The following NTRK3 variants were observed in gnomAD, a reference collection of about 807,000 sequenced individuals.
NTRK3 encodes the protein NT-3 growth factor receptor.
Under a neutral mutation model 91.7 loss-of-function variants are expected in NTRK3, and 24 were observed. The observed-to-expected ratio is 0.26, with a 90% confidence interval of 0.19 to 0.37. The LOEUF is 0.37. NTRK3 is among the 10% of genes least tolerant of loss of function. The probability of loss-of-function intolerance (pLI) is 1.00; values close to 1 mark genes in which losing one functional copy is unlikely to be tolerated. For missense variants in NTRK3, 880 were observed against 1,068.9 expected (o/e 0.82, Z 2.46); for synonymous variants, 483 against 404.0 (o/e 1.20, Z -2.34).
At chr15:87,981,335 A>G (rs564340870) in intron 14 of NTRK3, 1 of 1,611,144 alleles carries the variant, frequency 6.2e-7, no homozygotes, top group Admixed American at 1.7e-5. Flanking sequence ...TTAATATCCC[A>G]TGATTGTCTA....
At chr15:88,177,227 C>T (rs191033340) in intron 5 of NTRK3, among the ~76,000 whole-genome samples, 91 of 152,236 alleles carry the variant, frequency 6.0e-4, no homozygotes, top group African/African-American at 6.7e-4. Context: ...TTGTAAGTAA[C>T]GCAAGAAGTA....
chr15:88,026,179 G>A (rs1426521748), intron 14 of NTRK3, among the ~76,000 whole-genome samples: 3 of 152,142 alleles, frequency 2.0e-5, no homozygotes, highest in Non-Finnish European at 4.4e-5. Context: ...GCTGAGGCAG[G>A]AGAACGGTGT....
chr15:88,132,055 C>T (rs2041410358), intron 10 of NTRK3: 1 of 194,358 alleles, frequency 5.1e-6, no homozygotes, highest in Non-Finnish European at 1.1e-5. Flanking sequence ...TTCACCACAA[C>T]CTTTAAGGTA....
At position 88,237,542 on chromosome 15, in the gene NTRK3, A is replaced by T. The variant is rs78513065; in HGVS notation, c.248+18364T>A. 0.013 allele frequency among the ~76,000 whole-genome samples: 1,917 copies of T among 152,270 alleles called. 27 individuals carry two copies. The highest frequency in any genetic ancestry group is 0.041 in the African/African-American group (1,717 of 41,544). ...TTCATAAGAGAGCTAGAAATCATGCACTTTATATATGAGTTGTTTTGCTTA... is the reference window on the plus strand; with the variant it reads ...TTCATAAGAGAGCTAGAAATCATGCTCTTTATATATGAGTTGTTTTGCTTA... On this transcript the variant is annotated intron_variant, in intron 3 of 18. Transcript: ENST00000394480. The surrounding 1 kb of genome is among the most constrained non-coding windows in gnomAD (Gnocchi z 4.0).
chr15:88,246,747 CAT>C (rs1346018071), intron 3 of NTRK3, among the ~76,000 whole-genome samples: 1 of 152,218 alleles, frequency 6.6e-6, no homozygotes, highest in Admixed American at 6.5e-5. Context: ...GCCAAAGGCT[CAT>C]GAGTCAGAAA....
intron 3 of NTRK3, among the ~76,000 whole-genome samples, chr15:88,230,027 G>A (rs142705803): frequency 1.5e-3 from 232 of 152,340 alleles, no homozygotes; most frequent in African/African-American, 5.2e-3. Flanking sequence ...TAACTTGTAG[G>A]GGTGTGAGCG....
At chr15:88,022,107 A>T (rs912604931) in intron 14 of NTRK3, among the ~76,000 whole-genome samples, 1 of 152,264 alleles carries the variant, frequency 6.6e-6, no homozygotes, top group East Asian at 1.9e-4. Context: ...TCCATCATCC[A>T]CCATCACATT....
intron 13 of NTRK3, among the ~76,000 whole-genome samples, chr15:88,076,999 C>G (rs2047607048): frequency 6.6e-6 from 1 of 152,074 alleles, no homozygotes; most frequent in Admixed American, 6.6e-5. Context: ...GAGGCTGAGG[C>G]ATGAGAATCG....
At chr15:87,898,204 A>T (rs1479337392) in intron 17 of NTRK3, among the ~76,000 whole-genome samples, 1 of 152,222 alleles carries the variant, frequency 6.6e-6, no homozygotes, top group Non-Finnish European at 1.5e-5. Flanking sequence ...ACAATGAGAC[A>T]ATAATCCCAA....
chr15:87,950,069 C>T (rs979493782), intron 14 of NTRK3, among the ~76,000 whole-genome samples: 5 of 152,226 alleles, frequency 3.3e-5, no homozygotes, highest in African/African-American at 1.2e-4. Flanking sequence ...CTTGGCCTCT[C>T]ATTCCTGGCA....
intron 14 of NTRK3, among the ~76,000 whole-genome samples, chr15:88,016,771 C>T (rs183396855): frequency 3.9e-5 from 6 of 152,264 alleles, no homozygotes; most frequent in East Asian, 3.9e-4. Context: ...TAATGTAGAA[C>T]GTCAGTAATT....
intron 14 of NTRK3, among the ~76,000 whole-genome samples, chr15:88,009,727 T>G (rs117500634): frequency 1.3e-5 from 2 of 152,296 alleles, no homozygotes; most frequent in East Asian, 1.9e-4. Context: ...GTGAAAGGAT[T>G]TGCAGCTTGT....
At position 87,979,160 on chromosome 15, in the gene NTRK3, C is replaced by T. The variant is rs939553647; in HGVS notation, c.1586-38407G>A. ...TGATGATTGGAGGGAAGGGGCAACC[C>T]TGCCAGTGGTGGATGGGGGAAAACA... On this transcript the variant is annotated intron_variant, in intron 14 of 18. Coordinates refer to ENST00000394480, the Ensembl canonical transcript of NTRK3. 1.1e-5 allele frequency: 7 copies of T among 640,198 alleles called. No individual in the cohort carries two copies. The African/African-American group carries it at 1.1e-4, about 10-fold the overall frequency. The allele number at this position is 640,198 out of a possible 1,614,324, so 39.7% of individuals were successfully genotyped here.
In NTRK3 at chr15:88,164,875, T is replaced by C. The variant is rs145089968; in HGVS notation, c.396-17472A>G. 8.0e-4 allele frequency among the ~76,000 whole-genome samples: 122 copies of C among 152,326 alleles called. 2 individuals are homozygous for C. The highest frequency in any genetic ancestry group is 2.7e-3 in the African/African-American group (112 of 41,572). On this transcript the variant is annotated intron_variant, in intron 5 of 18. Coordinates refer to ENST00000394480, the Ensembl canonical transcript of NTRK3. ...TCTTTTGGCCTCTCTTGTCCAATTC[T>C]GCAAAATGTTTGGGAAATGCAGTGT...
intron 17 of NTRK3, among the ~76,000 whole-genome samples, chr15:87,921,656 C>T (rs1370814039): frequency 6.6e-6 from 1 of 152,144 alleles, no homozygotes; most frequent in Non-Finnish European, 1.5e-5. Flanking sequence ...GCAGAGAGCT[C>T]TCCAGTCTTA....
At chr15:88,222,619 T>C (rs543297998) in intron 3 of NTRK3, among the ~76,000 whole-genome samples, 5 of 152,160 alleles carry the variant, frequency 3.3e-5, no homozygotes, top group African/African-American at 4.8e-5. Flanking sequence ...CTGAGGCACA[T>C]AGAGCTCAAA....
At chr15:87,895,645 T>A (rs8040943) in intron 17 of NTRK3, among the ~76,000 whole-genome samples, 2 of 151,740 alleles carry the variant, frequency 1.3e-5, no homozygotes, top group East Asian at 1.9e-4. Context: ...TTTCCAGATC[T>A]GGGAGATAAT....
At chr15:88,081,964 C>G (rs2048085627) in intron 13 of NTRK3, among the ~76,000 whole-genome samples, 1 of 152,192 alleles carries the variant, frequency 6.6e-6, no homozygotes, top group African/African-American at 2.4e-5. Context: ...GCCTTGCTCC[C>G]CCTGGGCTCT....
chr15:88,227,646 C>A (rs1171246640), intron 3 of NTRK3, among the ~76,000 whole-genome samples: 1 of 152,114 alleles, frequency 6.6e-6, no homozygotes, highest in African/African-American at 2.4e-5. Flanking sequence ...GGTGAGGAAT[C>A]CACTTCTTCT....
Sources: gnomAD v4.1 joint callset for allele counts (sites outside exome capture counted in the v4.1 genomes callset) on GRCh38, gnomAD v4.1.1 for gene constraint, Gnocchi (gnomAD v3.1) non-coding constraint, MANE v1.5 for transcripts, NCBI Gene and HGNC (gene_info 2026-07-23, HGNC 2026-07-21) for gene names.